The following MTMR7 variants were observed in gnomAD, a reference collection of about 807,000 sequenced individuals.
The protein encoded by MTMR7 is myotubularin related protein 7.
Under a neutral mutation model 81.2 loss-of-function variants are expected in MTMR7, and 76 were observed. The ratio of observed to expected loss-of-function variants is 0.94; its 90% CI spans 0.78 to 1.13. MTMR7 has a LOEUF of 1.13. MTMR7 is among the 50% of genes most tolerant of loss of function. MTMR7 has a pLI of 0.00. For synonymous variants in MTMR7, 372 were observed against 289.8 expected (o/e 1.28, Z -2.88); for missense variants, 1,044 against 820.0 (o/e 1.27, Z -3.34).
Position 17,336,189 on chromosome 8 carries a change from G to C in MTMR7, c.733-4907C>G, listed in dbSNP as rs548035614. On this transcript the variant is annotated intron_variant, in intron 6 of 13. Coordinates refer to ENST00000180173, the MANE Select transcript of MTMR7 (RefSeq NM_004686.5). ...TGAAAAAGGAGATGCGCCTTGGCTT[G>C]AGTCTATTCCAGTACGCTCAACTTC... 2.1e-3 allele frequency among the ~76,000 whole-genome samples: 318 copies of C among 152,242 alleles called. 1 individual carries two copies. The highest frequency in any genetic ancestry group is 6.7e-3 in the African/African-American group (278 of 41,552).
At chr8:17,340,893 TA>T (rs769430357) in intron 6 of MTMR7, among the ~76,000 whole-genome samples, 1 of 152,232 alleles carries the variant, frequency 6.6e-6, no homozygotes, top group Non-Finnish European at 1.5e-5. Context: ...AAATATTTTT[TA>T]ATTTACCTTA....
intron 1 of MTMR7, among the ~76,000 whole-genome samples, chr8:17,386,736 T>C (rs1236008251): frequency 6.6e-6 from 1 of 152,204 alleles, no homozygotes; most frequent in African/African-American, 2.4e-5. Context: ...AAGCCAAGTA[T>C]CACTGCATCT....
At chr8:17,381,347 C>G (rs1024088683) in intron 1 of MTMR7, among the ~76,000 whole-genome samples, 2 of 152,178 alleles carry the variant, frequency 1.3e-5, no homozygotes, top group African/African-American at 4.8e-5. Context: ...CTTCCCTTCA[C>G]TGCCTGGGCG....
intron 1 of MTMR7, among the ~76,000 whole-genome samples, chr8:17,397,819 G>A (rs1272799215): frequency 6.6e-6 from 1 of 152,166 alleles, no homozygotes; most frequent in Non-Finnish European, 1.5e-5. Context: ...CCCAGTGGTG[G>A]TGGCCACAGG....
chr8:17,368,056 T>C (rs1364611298), intron 3 of MTMR7, among the ~76,000 whole-genome samples: 1 of 152,078 alleles, frequency 6.6e-6, no homozygotes, highest in Non-Finnish European at 1.5e-5. Flanking sequence ...GGACCAGCTT[T>C]GTGGAAGACA....
chr8:17,301,244 A>G (rs1401669480), intron 13 of MTMR7, among the ~76,000 whole-genome samples: 1 of 152,240 alleles, frequency 6.6e-6, no homozygotes, highest in Non-Finnish European at 1.5e-5. Context: ...GGCAGAGTTC[A>G]TGCAATGTAA....
intron 11 of MTMR7, among the ~76,000 whole-genome samples, chr8:17,304,746 C>CTTGTGTGTGTGTGTGTGTGT (rs1554504621): frequency 6.8e-6 from 1 of 146,992 alleles, no homozygotes; most frequent in African/African-American, 2.6e-5. Flanking sequence ...GTGTTCGATT[C>CTTGTGTGTGTGTGTGTGTGT]GTGTGTGTGT....
At chr8:17,301,824 T>C in intron 13 of MTMR7, 1 of 363,426 alleles carries the variant, frequency 2.8e-6, no homozygotes, top group Non-Finnish European at 4.9e-6. Context: ...TACATATATT[T>C]GATTTTATTC....
chr8:17,353,316 A>G (rs1423229570), intron 4 of MTMR7, among the ~76,000 whole-genome samples: 4 of 152,308 alleles, frequency 2.6e-5, no homozygotes, highest in Non-Finnish European at 4.4e-5. Flanking sequence ...TTTAATGGGT[A>G]TAGAGTATCA....
At chr8:17,348,601 C>T (rs1586229758) in intron 5 of MTMR7, among the ~76,000 whole-genome samples, 2 of 149,980 alleles carry the variant, frequency 1.3e-5, no homozygotes, top group Non-Finnish European at 3.0e-5. Context: ...CCATGGACTT[C>T]GGGGGCTTTT....
chr8:17,408,252 A>G lies in MTMR7; in HGVS notation c.24+5017T>C, dbSNP rs1421822601. 6.9e-5 allele frequency among the ~76,000 whole-genome samples: 8 copies of G among 115,344 alleles called. 2 individuals are homozygous for G. Among genetic ancestry groups the G allele is most frequent in the Admixed American group, 3.4e-4 (3 of 8,846 alleles). The allele number at this position is 115,344 out of a possible 152,430, so 75.7% of individuals were successfully genotyped here. A position where few individuals can be genotyped will look rare whatever the true frequency, so the allele number is the denominator to read the frequency against. On this transcript the variant is annotated intron_variant, in intron 1 of 13. Transcript: ENST00000180173. ...AAAAATACAAAAATTAGCCGGGCGT[A>G]GTGGCGGGCGCCTGTAGTCCCACCT...
intron 12 of MTMR7, among the ~76,000 whole-genome samples, chr8:17,303,816 G>A (rs1013539328): frequency 6.6e-6 from 1 of 152,064 alleles, no homozygotes; most frequent in Non-Finnish European, 1.5e-5. Context: ...CCCCATGTTG[G>A]CCAGGCTTGT....
At chr8:17,362,240 C>G (rs1368333167) in intron 3 of MTMR7, among the ~76,000 whole-genome samples, 1 of 152,156 alleles carries the variant, frequency 6.6e-6, no homozygotes, top group Non-Finnish European at 1.5e-5. Flanking sequence ...ATAAAACTTA[C>G]TAATATTTGA....
intron 13 of MTMR7, among the ~76,000 whole-genome samples, chr8:17,300,854 T>C (rs1817063658): frequency 6.6e-6 from 1 of 152,250 alleles, no homozygotes; most frequent in Admixed American, 6.5e-5. Flanking sequence ...TTTATATAAA[T>C]TGAATGGAAT....
intron 1 of MTMR7, among the ~76,000 whole-genome samples, chr8:17,397,352 G>A (rs1051412967): frequency 6.6e-6 from 1 of 152,116 alleles, no homozygotes; most frequent in African/African-American, 2.4e-5. Context: ...TGCCCTGAAG[G>A]GTGGGCTCCA....
At chr8:17,357,673 C>A (rs1430735681) in intron 4 of MTMR7, among the ~76,000 whole-genome samples, 1 of 152,148 alleles carries the variant, frequency 6.6e-6, no homozygotes, top group Admixed American at 6.5e-5. Context: ...TAAGTGAGGC[C>A]TTCCTATATT....
chr8:17,344,582 G>C (rs1389118241), intron 5 of MTMR7, among the ~76,000 whole-genome samples: 1 of 152,192 alleles, frequency 6.6e-6, no homozygotes, highest in Non-Finnish European at 1.5e-5. Flanking sequence ...CTGCACTCCA[G>C]CCTGGGTGAC....
chr8:17,399,032 G>A (rs1053356503), intron 1 of MTMR7, among the ~76,000 whole-genome samples: 1 of 151,970 alleles, frequency 6.6e-6, no homozygotes, highest in Non-Finnish European at 1.5e-5. Flanking sequence ...CATACTGAAT[G>A]GGGAAAAACT....
chr8:17,347,895 C>T (rs1352154710), intron 5 of MTMR7, among the ~76,000 whole-genome samples: 4 of 152,278 alleles, frequency 2.6e-5, no homozygotes, highest in Admixed American at 6.5e-5. Flanking sequence ...ATTAGCCCTC[C>T]GTCACCTGCC....
Sources: gnomAD v4.1 joint callset for allele counts (sites outside exome capture counted in the v4.1 genomes callset) on GRCh38, gnomAD v4.1.1 for gene constraint, MANE v1.5 for transcripts, NCBI Gene and HGNC (gene_info 2026-07-23, HGNC 2026-07-21) for gene names.